The following NALF1 variants were observed in gnomAD, a reference collection of about 807,000 sequenced individuals.
NALF1 encodes family with sequence similarity 155 member A.
A neutral mutation model predicts 48.4 loss-of-function variants in NALF1; 3 were observed. That is an observed-to-expected ratio of 0.06 (90% CI 0.03 to 0.16). The LOEUF (loss-of-function observed/expected upper bound fraction) is 0.16. Among genes scored for constraint, NALF1 ranks in the 10% least tolerant of loss-of-function variants. The pLI is 1.00. For missense variants in NALF1, 526 were observed against 571.5 expected (o/e 0.92, Z 0.81); for synonymous variants, 262 against 245.7 (o/e 1.07, Z -0.62).
rs1489277039 is a variant in NALF1, at chr13:107,865,689, T to G, written c.908A>C (p.Asp303Ala). 1.2e-6 allele frequency: 2 copies of G among 1,613,434 alleles called. No individual in the cohort carries two copies. Among genetic ancestry groups the G allele is most frequent in the African/African-American group, 2.7e-5 (2 of 74,808 alleles). Residue 303 changes from aspartate to alanine, a missense_variant, in exon 1 of 3, where the codon GAC becomes GCC. Around this residue, in one of 2 missense-constraint regions of NALF1, gnomAD observed 153 missense variants for 215.9 expected, o/e 0.71. Transcript: ENST00000375915. ...ACCCCCGAGGGTTCCTACCTTACAGTCTTCAGGACAGGATTTCACCGAGTA... is the reference window on the plus strand; with the variant it reads ...ACCCCCGAGGGTTCCTACCTTACAGGCTTCAGGACAGGATTTCACCGAGTA... ...EEYSVKSCPE[D>A]CKIVYKAWLC...
intron 1 of NALF1, among the ~76,000 whole-genome samples, chr13:107,596,328 C>T (rs1878746647): frequency 6.6e-6 from 1 of 152,222 alleles, no homozygotes; most frequent in African/African-American, 2.4e-5. Flanking sequence ...TGGGTATATA[C>T]CCAAAGGATT....
At chr13:107,548,231 T>G (rs745398879) in intron 1 of NALF1, among the ~76,000 whole-genome samples, 1 of 152,138 alleles carries the variant, frequency 6.6e-6, no homozygotes, top group Non-Finnish European at 1.5e-5. Flanking sequence ...TATTTGGTTT[T>G]TTCTTCCTGT....
intron 1 of NALF1, among the ~76,000 whole-genome samples, chr13:107,700,809 C>T (rs184194033): frequency 3.3e-5 from 5 of 151,902 alleles, no homozygotes; most frequent in Admixed American, 6.6e-5. Flanking sequence ...AACAAAAAAA[C>T]CGATTTAAAC....
intron 1 of NALF1, among the ~76,000 whole-genome samples, chr13:107,469,277 G>T (rs966134096): frequency 6.6e-6 from 1 of 152,100 alleles, no homozygotes; most frequent in African/African-American, 2.4e-5. Flanking sequence ...AGAAATCAAA[G>T]ATTTTATCAT....
intron 1 of NALF1, among the ~76,000 whole-genome samples, chr13:107,282,758 T>A (rs1226301314): frequency 6.6e-6 from 1 of 152,120 alleles, no homozygotes; most frequent in Non-Finnish European, 1.5e-5. Context: ...CGGAAGTGAA[T>A]CCGTTAGCTC....
Position 107,735,772 on chromosome 13 carries a change from C to T in NALF1, c.915+129910G>A, listed in dbSNP as rs551803617. ...ATAAAGGTAGTTGCCTCTATTTTGG[C>T]ATCTCTTTACCCACCAACTCTTCTT... On this transcript the variant is annotated intron_variant, in intron 1 of 2. Transcript: ENST00000375915. Among the ~76,000 whole-genome samples the T allele has an allele frequency of 1.1e-4, 16 of 152,276 alleles. No individual in the cohort carries two copies. In the South Asian group the frequency reaches 3.3e-3, roughly 32 times the overall value.
chr13:107,346,760 TG>T (rs1882779572), intron 1 of NALF1, among the ~76,000 whole-genome samples: 1 of 152,240 alleles, frequency 6.6e-6, no homozygotes, highest in African/African-American at 2.4e-5. Flanking sequence ...TTATGTTATT[TG>T]TTTTTTACAA....
chr13:107,320,368 C>T (rs1341114757), intron 1 of NALF1, among the ~76,000 whole-genome samples: 1 of 152,024 alleles, frequency 6.6e-6, no homozygotes, highest in Non-Finnish European at 1.5e-5. Flanking sequence ...AAAACTTAAC[C>T]AACAAAATCA....
chr13:107,335,258 T>C (rs1336038469), intron 1 of NALF1, among the ~76,000 whole-genome samples: 1 of 152,134 alleles, frequency 6.6e-6, no homozygotes, highest in Non-Finnish European at 1.5e-5. Context: ...AATTAGTGGC[T>C]TCGGTGCTAT....
At chr13:107,613,141 C>A (rs747258674) in intron 1 of NALF1, among the ~76,000 whole-genome samples, 7 of 152,292 alleles carry the variant, frequency 4.6e-5, no homozygotes, top group African/African-American at 9.6e-5. Flanking sequence ...TCCAAACTTG[C>A]AGTTATGTTT....
chr13:107,184,419 T>G (rs549877547), intron 2 of NALF1, among the ~76,000 whole-genome samples: 2 of 151,804 alleles, frequency 1.3e-5, no homozygotes, highest in South Asian at 4.1e-4. Context: ...GTTTATTACA[T>G]TCCCTCTGAT....
intron 1 of NALF1, among the ~76,000 whole-genome samples, chr13:107,630,767 C>G (rs559113382): frequency 8.6e-5 from 13 of 151,570 alleles, no homozygotes; most frequent in African/African-American, 2.7e-4. Flanking sequence ...TATATTTATA[C>G]TAGGACATAA....
intron 1 of NALF1, among the ~76,000 whole-genome samples, chr13:107,858,326 A>G (rs1880488487): frequency 6.6e-6 from 1 of 152,314 alleles, no homozygotes; most frequent in African/African-American, 2.4e-5. Context: ...ATTCTTTGGG[A>G]TGTTTGTAAA....
intron 1 of NALF1, among the ~76,000 whole-genome samples, chr13:107,550,248 C>G (rs1877254495): frequency 6.6e-6 from 1 of 152,102 alleles, no homozygotes; most frequent in African/African-American, 2.4e-5. Flanking sequence ...TTAAATTCAG[C>G]TCCAGAGCTC....
chr13:107,208,508 C>T (rs1368979420), intron 2 of NALF1, among the ~76,000 whole-genome samples: 1 of 152,162 alleles, frequency 6.6e-6, no homozygotes, highest in African/African-American at 2.4e-5. Flanking sequence ...AATACAGATA[C>T]ATGTAGGAAA....
intron 1 of NALF1, among the ~76,000 whole-genome samples, chr13:107,379,712 A>G (rs1341847717): frequency 1.3e-5 from 2 of 152,178 alleles, no homozygotes; most frequent in East Asian, 1.9e-4. Flanking sequence ...TTCTCATCCA[A>G]GAACCTTGTT....
intron 1 of NALF1, among the ~76,000 whole-genome samples, chr13:107,517,704 C>T (rs1443044607): frequency 1.3e-5 from 2 of 151,984 alleles, no homozygotes; most frequent in Non-Finnish European, 2.9e-5. Flanking sequence ...GTTGTAATCC[C>T]AGCACTTTGG....
intron 1 of NALF1, among the ~76,000 whole-genome samples, chr13:107,402,936 C>T: frequency 6.6e-6 from 1 of 152,146 alleles, no homozygotes; most frequent in East Asian, 1.9e-4. Flanking sequence ...ACCAGGCCAA[C>T]TCATCACCTC....
At chr13:107,863,188 C>T (rs1207382577) in intron 1 of NALF1, among the ~76,000 whole-genome samples, 1 of 152,010 alleles carries the variant, frequency 6.6e-6, no homozygotes, top group Non-Finnish European at 1.5e-5. Context: ...TAATGATAGT[C>T]ATTTCATAGG....
Sources: gnomAD v4.1 joint callset for allele counts (sites outside exome capture counted in the v4.1 genomes callset) on GRCh38, gnomAD v4.1.1 for gene constraint, gnomAD v4.1.1 regional missense constraint, MANE v1.5 for transcripts, NCBI Gene and HGNC (gene_info 2026-07-23, HGNC 2026-07-21) for gene names.